CNOT7: variants seen among roughly 807,000 people sequenced by gnomAD.
CNOT7 encodes CCR4-NOT transcription complex subunit 7.
Under a neutral mutation model 37.1 loss-of-function variants are expected in CNOT7, and 4 were observed. The observed-to-expected ratio is 0.11, with a 90% CI of 0.05 to 0.25. The LOEUF (loss-of-function observed/expected upper bound fraction) is 0.25. CNOT7 is among the 10% of genes least tolerant of loss of function. The pLI, the probability that CNOT7 is intolerant of heterozygous loss-of-function variation, is 1.00. For missense variants in CNOT7, 170 were observed against 336.2 expected, an observed-to-expected ratio of 0.51 and a Z score of 3.87; for synonymous variants, 128 against 115.6, an observed-to-expected ratio of 1.11 and a Z score of -0.69.
At chr8:17,234,647 C>T in intron 5 of CNOT7, 69 bp downstream of exon 5, 1 of 1,486,502 alleles carries the variant, frequency 6.7e-7, no homozygotes, top group Non-Finnish European at 9.4e-7. Context: ...ACATCCCAGC[C>T]TAGGCTCGCA....
chr8:17,231,887 G>A (rs1224146923), intron 6 of CNOT7: 10 of 985,774 alleles, frequency 1.0e-5, no homozygotes, highest in South Asian at 4.7e-5. Flanking sequence ...TGATCCCTTC[G>A]GAATTCAACC....
rs1443559700 is a variant in CNOT7, at chr8:17,230,429, T to C, written c.*291A>G. On this transcript the variant is annotated 3_prime_UTR_variant, in exon 7 of 7. Transcript: ENST00000361272. ...GAAAAATAAACCAAACTCAAGTCGG[T>C]AAAGTTTATCAAAATATTCAATGAT... is the stretch of plus-strand genomic sequence containing the variant. 2 of 193,932 alleles carry C rather than the reference T, an allele frequency of 1.0e-5. No individual in the cohort carries two copies. Among genetic ancestry groups the C allele is most frequent in the Admixed American group, 1.2e-4 (2 of 16,670 alleles). The allele number at this position is 193,932 out of a possible 1,614,324, so 12.0% of individuals were successfully genotyped here.
rs1017467875 is a variant in CNOT7 at position 17,241,049 on chromosome 8, T to C, written c.311+1943A>G. Among the ~76,000 whole-genome samples the C allele has an allele frequency of 2.0e-5, 3 of 152,218 alleles. No homozygotes were observed. In the East Asian group the frequency reaches 5.8e-4, roughly 29 times the overall value. ...GACAAGTTTACTTTACAAGGTTCTG[T>C]AGACTGTGCGTGTGTGTATAGATAC... On this transcript the variant is annotated intron_variant, in intron 3 of 6. Coordinates refer to ENST00000361272, the MANE Select transcript of CNOT7 (RefSeq NM_013354.7).
intron 3 of CNOT7, among the ~76,000 whole-genome samples, chr8:17,237,789 C>T (rs1809581980): frequency 6.6e-6 from 1 of 152,228 alleles, no homozygotes. Context: ...AGCTGTGGGG[C>T]ATATGCCCAT....
Position 17,230,542 on chromosome 8 carries a change from C to A in CNOT7, c.*178G>T. ...TTAACCTGAATGCGTTTTTTTTTTTCTTTTTATTAAGATCTGAGATAGGAA... is the reference window on the plus strand; with the variant it reads ...TTAACCTGAATGCGTTTTTTTTTTTATTTTTATTAAGATCTGAGATAGGAA... On this transcript the variant is annotated 3_prime_UTR_variant, in exon 7 of 7. Transcript: ENST00000361272. The A allele has an allele frequency of 1.8e-4, 59 of 328,764 alleles. No homozygotes were observed. Among genetic ancestry groups the A allele is most frequent in the Non-Finnish European group, 2.1e-4 (40 of 186,710 alleles). 20.4% of individuals were successfully genotyped at this position (328,764 alleles called of 1,614,324 possible).
At chr8:17,242,343 C>G (rs1027129585) in intron 3 of CNOT7, 4 of 152,162 alleles carry the variant, frequency 2.6e-5, no homozygotes, top group Non-Finnish European at 5.9e-5. Flanking sequence ...ACATCTAAAA[C>G]TTCCCTTAGC....
chr8:17,231,801 C>T (rs951247059), intron 6 of CNOT7: 1 of 985,622 alleles, frequency 1.0e-6, no homozygotes, highest in African/African-American at 1.7e-5. Context: ...ACTCAAGGAA[C>T]TGATCTCTGC....
rs765478657 is a variant in CNOT7 at position 17,229,297 on chromosome 8, A to AAAT, written c.*1420_*1422dup. ...AAACAAATAATACCCTCTGTTTTGC[A>AAAT]AATAATGTTTTGTTTAAAAAGGACC... On this transcript the variant is annotated 3_prime_UTR_variant, in exon 7 of 7. Transcript: ENST00000361272. 2.8e-4 allele frequency: 42 copies of AAAT among 152,068 alleles called. No individual in the cohort carries two copies. Among genetic ancestry groups the AAAT allele is most frequent in the Admixed American group, 2.8e-3 (42 of 15,246 alleles). 9.4% of individuals were successfully genotyped at this position (152,068 alleles called of 1,614,324 possible). A position where few individuals can be genotyped will look rare whatever the true frequency, so the allele number is the denominator to read the frequency against.
At position 17,230,687 on chromosome 8, in the gene CNOT7, A is replaced by T. The variant is rs376247711; in HGVS notation, c.*33T>A. 1.3e-6 allele frequency: 2 copies of T among 1,582,324 alleles called. No individual in the cohort carries two copies. Among genetic ancestry groups the T allele is most frequent in the Non-Finnish European group, 1.7e-6 (2 of 1,165,366 alleles). ...AAAACCTATATACAAGCATGTGTGTAGCTCGAAATAAAAATAAAAGGACTA... is the reference window on the plus strand; with the variant it reads ...AAAACCTATATACAAGCATGTGTGTTGCTCGAAATAAAAATAAAAGGACTA... On this transcript the variant is annotated 3_prime_UTR_variant, in exon 7 of 7. Coordinates refer to ENST00000361272, the MANE Select transcript of CNOT7 (RefSeq NM_013354.7).
chr8:17,244,348 A>G (rs1048690342), intron 2 of CNOT7: 1 of 152,224 alleles, frequency 6.6e-6, no homozygotes, highest in African/African-American at 2.4e-5. Context: ...CAGACCAACA[A>G]CGTTTCACTG....
At chr8:17,246,623 C>G (rs1342778958) in intron 1 of CNOT7, 52 bp downstream of exon 1, 1 of 155,428 alleles carries the variant, frequency 6.4e-6, no homozygotes, top group African/African-American at 2.4e-5. Flanking sequence ...CCCCTTTCTA[C>G]TTCCCTAACC....
chr8:17,240,350 A>G (rs534132480), intron 3 of CNOT7, among the ~76,000 whole-genome samples: 1 of 143,798 alleles, frequency 7.0e-6, no homozygotes, highest in Admixed American at 7.2e-5. Flanking sequence ...AAACATTTTG[A>G]GATTTTTTTT....
At chr8:17,236,105 A>G (rs1277740431) in intron 4 of CNOT7, among the ~76,000 whole-genome samples, 1 of 152,248 alleles carries the variant, frequency 6.6e-6, no homozygotes, top group East Asian at 1.9e-4. Context: ...CAAGTGCAGA[A>G]GAGACAAAAA....
intron 6 of CNOT7, 141 bp from the exon 7 acceptor site, chr8:17,230,989 G>C (rs1005656894): frequency 3.5e-6 from 2 of 572,966 alleles, no homozygotes; most frequent in Non-Finnish European, 6.0e-6. Context: ...TTGAGGCTAC[G>C]CATTTCAGTT....
chr8:17,233,174 G>A (rs1336879032), intron 5 of CNOT7, among the ~76,000 whole-genome samples: 1 of 152,062 alleles, frequency 6.6e-6, no homozygotes, highest in Non-Finnish European at 1.5e-5. Flanking sequence ...CAGAAGGAAA[G>A]AAAGTGGGAG....
rs539270128 is a variant in CNOT7 at position 17,226,539 on chromosome 8, A to C, written c.*4181T>G. The C allele has an allele frequency of 6.6e-6, 1 of 151,658 alleles. No homozygotes were observed. The highest frequency in any genetic ancestry group is 2.4e-5 in the African/African-American group (1 of 41,366). 9.4% of individuals were successfully genotyped at this position (151,658 alleles called of 1,614,324 possible). A position where few individuals can be genotyped will look rare whatever the true frequency, so the allele number is the denominator to read the frequency against. On this transcript the variant is annotated 3_prime_UTR_variant, in exon 7 of 7. Coordinates refer to ENST00000361272, the MANE Select transcript of CNOT7 (RefSeq NM_013354.7). ...ATTCATTCAAGATGATTCATTTCCA[A>C]CAGAAGATTAAGAGGAAACTTTAAA...
rs1300972015 is a variant in CNOT7, at chr8:17,225,176, A to G, written c.*5544T>C. On this transcript the variant is annotated 3_prime_UTR_variant, in exon 7 of 7. Transcript: ENST00000361272. ...GGGTCTTGCAAACTTGTATTTCCTA[A>G]CAATTTGGAAGCCATGATGATAGTC... 2 of 151,722 alleles carry G rather than the reference A, an allele frequency of 1.3e-5. No individual in the cohort carries two copies. The highest frequency in any genetic ancestry group is 1.9e-4 in the East Asian group (1 of 5,188). 9.4% of individuals were successfully genotyped at this position (151,722 alleles called of 1,614,324 possible).
Position 17,227,575 on chromosome 8 carries a change from T to C in CNOT7, c.*3145A>G, listed in dbSNP as rs568634679. ...TTTGCTTGGCTAACAAATAGGCTAC[T>C]TGTAAACATTTTGGTTGCAGCCTCA... On this transcript the variant is annotated 3_prime_UTR_variant, in exon 7 of 7. Coordinates refer to ENST00000361272, the MANE Select transcript of CNOT7 (RefSeq NM_013354.7). The C allele has an allele frequency of 1.8e-4, 27 of 152,064 alleles. No individual in the cohort carries two copies. The highest frequency in any genetic ancestry group is 6.3e-4 in the African/African-American group (26 of 41,562). 9.4% of individuals were successfully genotyped at this position (152,064 alleles called of 1,614,324 possible).
chr8:17,240,255 A>C (rs1265157936), intron 3 of CNOT7, among the ~76,000 whole-genome samples: 1 of 152,238 alleles, frequency 6.6e-6, no homozygotes, highest in Non-Finnish European at 1.5e-5. Context: ...GTGTAAATCA[A>C]GCTTGTCCAA....
Sources: allele counts gnomAD v4.1 joint callset (sites outside exome capture counted in the v4.1 genomes callset), GRCh38; gene constraint gnomAD v4.1.1; transcripts MANE v1.5; gene names NCBI Gene and HGNC (gene_info 2026-07-23, HGNC 2026-07-21).